Variants in PPFIBP2 observed in about 807,000 individuals in gnomAD.
PPFIBP2 encodes PPFIB scaffold protein 2, also known as liprin-beta-2.
PPFIBP2 carries 118 observed loss-of-function variants against 118.3 expected under a neutral mutation model. That is an observed-to-expected ratio of 1.00 (90% CI 0.86 to 1.16). The LOEUF is 1.16. Ranked by LOEUF, PPFIBP2 falls within the 50% of genes most tolerant of loss-of-function variation. The pLI is 0.00. For synonymous variants in PPFIBP2, 414 were observed against 397.4 expected (o/e 1.04, Z -0.50); for missense variants, 1,195 against 1,073.1 (o/e 1.11, Z -1.59).
chr11:7,621,478 G>A (rs1201509812), intron 7 of PPFIBP2, among the ~76,000 whole-genome samples: 4 of 152,134 alleles, frequency 2.6e-5, no homozygotes, highest in Non-Finnish European at 4.4e-5. Context: ...CATAAACTTC[G>A]AATTATTTCT....
chr11:7,643,590 T>C (rs1051766366), intron 17 of PPFIBP2, among the ~76,000 whole-genome samples: 1 of 152,252 alleles, frequency 6.6e-6, no homozygotes, highest in Non-Finnish European at 1.5e-5. Flanking sequence ...GATGAGATTG[T>C]TATGTTTATC....
At chr11:7,561,918 C>T (rs1854339716) in intron 2 of PPFIBP2, among the ~76,000 whole-genome samples, 1 of 152,190 alleles carries the variant, frequency 6.6e-6, no homozygotes, top group Admixed American at 6.5e-5. Context: ...AGTCCCTAAC[C>T]TTTTTGGCAC....
the PPFIBP2 span, chr11:7,665,984 C>T: frequency 0.021 from 28,578 of 1,384,020 alleles, 1,086 homozygotes; most frequent in African/African-American, 0.13. Context: ...GAGAGGCGCG[C>T]CTGTGGGGTG....
chr11:7,514,885 G>C (rs924337399), intron 1 of PPFIBP2, among the ~76,000 whole-genome samples: 16 of 152,352 alleles, frequency 1.1e-4, no homozygotes, highest in Admixed American at 9.1e-4. Context: ...AGAGCAGCCA[G>C]ATATTTGGTA....
At chr11:7,666,098 G>A in the PPFIBP2 span, 1 of 633,640 alleles carries the variant, frequency 1.6e-6, no homozygotes, top group Non-Finnish European at 2.8e-6. Context: ...GTGGCCGTAA[G>A]CAGAAGGGTG....
the PPFIBP2 span, chr11:7,665,760 C>T: frequency 1.4e-6 from 2 of 1,382,668 alleles, no homozygotes; most frequent in Non-Finnish European, 2.0e-6. Flanking sequence ...CTGCAGGGAC[C>T]CTGAAGCCCT....
At position 7,641,597 on chromosome 11, in the gene PPFIBP2, A is replaced by G. The variant is rs200786303; in HGVS notation, c.1494A>G (p.Lys498=). ...CACCAGATGGTAAACGGAATCCCAA[A>G]GGCATTAAGAAGTTCTGGGGAAAGT... The part of the protein sequence containing the change: ...PLTPDGKRNP[K]GIKKFWGKIR... Residue 498 remains lysine, a synonymous_variant, in exon 16 of 24, where the codon AAA becomes AAG. Transcript: ENST00000299492. 531 of 1,613,990 alleles carry G rather than the reference A, an allele frequency of 3.3e-4. 1 individual carries two copies. The highest frequency in any genetic ancestry group is 4.3e-4 in the Non-Finnish European group (509 of 1,179,942).
At chr11:7,607,490 A>C (rs1337386386) in intron 5 of PPFIBP2, among the ~76,000 whole-genome samples, 1 of 152,108 alleles carries the variant, frequency 6.6e-6, no homozygotes, top group African/African-American at 2.4e-5. Flanking sequence ...CCAAAGTGCT[A>C]GGCATGAGCC....
At chr11:7,549,629 A>G (rs1852730819) in intron 2 of PPFIBP2, 90 bp downstream of exon 2, 7 of 1,147,728 alleles carry the variant, frequency 6.1e-6, no homozygotes, top group Non-Finnish European at 8.3e-6. Context: ...TTTTTTTGGC[A>G]TAGAGAAAAT....
intron 1 of PPFIBP2, among the ~76,000 whole-genome samples, chr11:7,522,369 A>G (rs1849836467): frequency 6.6e-6 from 1 of 152,112 alleles, no homozygotes; most frequent in South Asian, 2.1e-4. Flanking sequence ...GGGGGAAGGG[A>G]AATGAAAGTG....
At chr11:7,633,025 G>A (rs1850984443) in intron 12 of PPFIBP2, 91 bp downstream of exon 12, 8 of 1,196,234 alleles carry the variant, frequency 6.7e-6, no homozygotes, top group African/African-American at 3.0e-5. Context: ...TGAATGGTGA[G>A]CATGGCCACT....
intron 23 of PPFIBP2, among the ~76,000 whole-genome samples, chr11:7,652,754 T>C (rs1018309545): frequency 2.0e-5 from 3 of 152,200 alleles, no homozygotes; most frequent in African/African-American, 7.2e-5. Flanking sequence ...TCTATGGAAA[T>C]AAGAAAGTCA....
intron 3 of PPFIBP2, among the ~76,000 whole-genome samples, chr11:7,591,319 G>A (rs550743533): frequency 7.7e-4 from 117 of 151,832 alleles, no homozygotes; most frequent in African/African-American, 2.8e-3. Flanking sequence ...AGGTGGCTCC[G>A]TGTCCATGTG....
chr11:7,622,823 T>C (rs1849509966), intron 7 of PPFIBP2, among the ~76,000 whole-genome samples: 1 of 152,234 alleles, frequency 6.6e-6, no homozygotes, highest in Non-Finnish European at 1.5e-5. Context: ...AGCCCTGTCT[T>C]GGGGAAACCT....
Position 7,565,728 on chromosome 11 carries a change from A to G in PPFIBP2, c.240A>G (p.Pro80=), listed in dbSNP as rs1334358051. 2 of 1,614,162 alleles carry G rather than the reference A, an allele frequency of 1.2e-6. No individual in the cohort carries two copies. The highest frequency in any genetic ancestry group is 2.2e-5 in the East Asian group (1 of 44,878). Residue 80 remains proline, a synonymous_variant, in exon 3 of 24, where the codon CCA becomes CCG. Coordinates refer to ENST00000299492, the MANE Select transcript of PPFIBP2 (RefSeq NM_003621.5). ...RAALLSQIPG[P]TAAYIKEWFE... ...CCCTCCTGAGCCAGATCCCTGGCCC[A>G]ACAGCTGCCTACATAAAGGAATGGT...
intron 20 of PPFIBP2, 118 bp from the exon 21 acceptor site, chr11:7,649,414 T>C: frequency 7.1e-7 from 1 of 1,399,004 alleles, no homozygotes; most frequent in South Asian, 1.3e-5. Context: ...TATTGGTGTC[T>C]CCACGTGCAC....
chr11:7,649,784 T>G (rs1853697258), intron 21 of PPFIBP2, 130 bp downstream of exon 21: 1 of 1,372,780 alleles, frequency 7.3e-7, no homozygotes, highest in African/African-American at 1.5e-5. Flanking sequence ...TTCTTTTGTT[T>G]GCTTGTGCTT....
At chr11:7,580,071 C>A (rs1160774874) in intron 3 of PPFIBP2, among the ~76,000 whole-genome samples, 1 of 152,154 alleles carries the variant, frequency 6.6e-6, no homozygotes, top group African/African-American at 2.4e-5. Context: ...GCCTTTGAGA[C>A]CATTAGCAGC....
At chr11:7,644,591 A>G (rs1196036286) in intron 17 of PPFIBP2, among the ~76,000 whole-genome samples, 1 of 151,852 alleles carries the variant, frequency 6.6e-6, no homozygotes, top group Non-Finnish European at 1.5e-5. Flanking sequence ...TCCTTTTCCT[A>G]CACGCATGGT....
Sources: gnomAD v4.1 joint callset for allele counts (sites outside exome capture counted in the v4.1 genomes callset) on GRCh38, gnomAD v4.1.1 for gene constraint, MANE v1.5 for transcripts, NCBI Gene and HGNC (gene_info 2026-07-23, HGNC 2026-07-21) for gene names.